The following UNC5B variants were observed in gnomAD, a reference collection of about 807,000 sequenced individuals.
UNC5B encodes unc-5 netrin receptor B, also known as netrin receptor UNC5B.
A neutral mutation model predicts 103.7 loss-of-function variants in UNC5B; 56 were observed. The ratio of observed to expected loss-of-function variants is 0.54; its 90% confidence interval spans 0.44 to 0.67. The LOEUF is 0.67. Among genes scored for constraint, UNC5B ranks in the 30% least tolerant of loss-of-function variants. UNC5B has a pLI of 0.00. For synonymous variants in UNC5B, 577 were observed against 542.0 expected (o/e 1.06, Z -0.90); for missense variants, 1,194 against 1,284.5 (o/e 0.93, Z 1.08).
rs772040885 is a variant in UNC5B at position 71,297,959 on chromosome 10, C to T, written c.2541C>T (p.Val847=). The T allele has an allele frequency of 6.2e-6, 10 of 1,613,984 alleles. No individual in the cohort carries two copies. The highest frequency in any genetic ancestry group is 8.5e-6 in the Non-Finnish European group (10 of 1,179,970). The change falls in exon 16 of 17, where the codon GTC becomes GTT. Residue 847 remains valine, a synonymous_variant. Coordinates refer to ENST00000335350, the MANE Select transcript of UNC5B (RefSeq NM_170744.5). The part of the protein sequence containing the change: ...DTLCSAPGST[V]TTQLGPYAFK... The stretch of plus-strand genomic sequence containing the variant: ...TCTGCTCTGCCCCTGGCAGCACTGT[C>T]ACCACCCAGCTGGGACCTTATGCCT...
intron 1 of UNC5B, among the ~76,000 whole-genome samples, chr10:71,276,191 A>G (rs1045784153): frequency 6.6e-6 from 1 of 151,882 alleles, no homozygotes; most frequent in Admixed American, 6.6e-5. Context: ...AAAAAAAATT[A>G]CTGAGGCACT....
In UNC5B at chr10:71,239,701, GGCACACACCCCTGCTGGATGGGTGGGA is replaced by G. The variant is rs534930437; in HGVS notation, c.79+26640_79+26666del. On this transcript the variant is annotated intron_variant, in intron 1 of 16. Coordinates refer to ENST00000335350, the MANE Select transcript of UNC5B (RefSeq NM_170744.5). ...AGGGCATCCACGGGGGCGGGCAGTGGGCACACACCCCTGCTGGATGGGTGGGAGCCCCAGAGATTATAAGCAGAGCAT... is the reference window on the plus strand; with the variant it reads ...AGGGCATCCACGGGGGCGGGCAGTGGGCCCCAGAGATTATAAGCAGAGCAT... Among the ~76,000 whole-genome samples, 104 of 152,234 alleles carry G rather than the reference GGCACACACCCCTGCTGGATGGGTGGGA, an allele frequency of 6.8e-4. 1 individual carries two copies. Among genetic ancestry groups the G allele is most frequent in the African/African-American group, 2.4e-3 (98 of 41,532 alleles).
At chr10:71,215,806 GGTGTGTGTGTGTGTGTGTGTGTGT>G (rs55848098) in intron 1 of UNC5B, among the ~76,000 whole-genome samples, 1 of 149,540 alleles carries the variant, frequency 6.7e-6, no homozygotes, top group African/African-American at 2.5e-5. Flanking sequence ...GTCTCTGCTT[GGTGTGTGTGTGTGTGTGTGTGTGT>G]GTGTGTGTGT....
intron 1 of UNC5B, among the ~76,000 whole-genome samples, chr10:71,239,322 C>A (rs1233562887): frequency 6.6e-6 from 1 of 152,134 alleles, no homozygotes; most frequent in African/African-American, 2.4e-5. Context: ...GACGCCCCAC[C>A]CCCAGGAGAA....
At chr10:71,243,007 C>T (rs1394384415) in intron 1 of UNC5B, among the ~76,000 whole-genome samples, 4 of 152,050 alleles carry the variant, frequency 2.6e-5, no homozygotes, top group African/African-American at 4.8e-5. Context: ...CTGAAGCGGG[C>T]GGATCACCTG....
At chr10:71,215,847 G>A (rs778212713) in intron 1 of UNC5B, among the ~76,000 whole-genome samples, 1 of 151,596 alleles carries the variant, frequency 6.6e-6, no homozygotes, top group Non-Finnish European at 1.5e-5. Context: ...GTGTGTGCTC[G>A]CGTGCATGCG....
At chr10:71,218,976 T>A (rs955542999) in intron 1 of UNC5B, among the ~76,000 whole-genome samples, 1 of 152,130 alleles carries the variant, frequency 6.6e-6, no homozygotes, top group Non-Finnish European at 1.5e-5. Context: ...TCGTTACAAC[T>A]TTCTTGGTCA....
intron 1 of UNC5B, among the ~76,000 whole-genome samples, chr10:71,231,738 A>C (rs1843688394): frequency 6.6e-6 from 1 of 152,116 alleles, no homozygotes; most frequent in Non-Finnish European, 1.5e-5. Context: ...GAATTTTGAC[A>C]AAACACCCCA....
In UNC5B at chr10:71,296,649, C is replaced by A. The variant is rs761454103; in HGVS notation, c.2397C>A (p.His799Gln). 10 of 1,613,968 alleles carry A rather than the reference C, an allele frequency of 6.2e-6. No individual in the cohort carries two copies. Among genetic ancestry groups the A allele is most frequent in the South Asian group, 4.4e-5 (4 of 91,090 alleles). Residue 799 changes from histidine to glutamine, a missense_variant, in exon 15 of 17, where the codon CAC becomes CAA. His to Gln is a conservative substitution (Grantham distance 24). Coordinates refer to ENST00000335350, the MANE Select transcript of UNC5B (RefSeq NM_170744.5). Reference protein sequence around the residue: ...ALHCTFTLERHSLASTELTCK... With the variant: ...ALHCTFTLERQSLASTELTCK... ...ACTGCACTTTCACCCTGGAGAGGCA[C>A]AGCTTGGCCTCCACAGAGCTCACCT...
At chr10:71,239,221 G>T (rs1175000933) in intron 1 of UNC5B, among the ~76,000 whole-genome samples, 1 of 152,158 alleles carries the variant, frequency 6.6e-6, no homozygotes, top group Non-Finnish European at 1.5e-5. Flanking sequence ...GGGCTTACTT[G>T]CGTTGGGATG....
chr10:71,299,456 CTGT>C lies in UNC5B; in HGVS notation c.*184_*186del, dbSNP rs1176028094. ...ACCAGCCTTAGAAAATCCATGTACT[CTGT>C]TGTTAGAGGGCCCAGAGTTCCTTCT... On this transcript the variant is annotated 3_prime_UTR_variant, in exon 17 of 17. Transcript: ENST00000335350. 1.4e-6 allele frequency: 1 copy of C among 717,026 alleles called. No homozygotes were observed. The highest frequency in any genetic ancestry group is 2.2e-6 in the Non-Finnish European group (1 of 445,528). The allele number at this position is 717,026 out of a possible 1,614,324, so 44.4% of individuals were successfully genotyped here.
At chr10:71,224,342 G>A (rs565905962) in intron 1 of UNC5B, among the ~76,000 whole-genome samples, 9 of 126,000 alleles carry the variant, frequency 7.1e-5, no homozygotes, top group Admixed American at 1.8e-4. Context: ...TTTCCTCCTG[G>A]TCCATCCCAC....
chr10:71,259,561 C>A (rs573247308), intron 1 of UNC5B, among the ~76,000 whole-genome samples: 144 of 152,332 alleles, frequency 9.5e-4, no homozygotes, highest in African/African-American at 3.4e-3. Flanking sequence ...GTCACACAGC[C>A]AGTTAGACTG....
chr10:71,218,618 A>G (rs73276331), intron 1 of UNC5B, among the ~76,000 whole-genome samples: 7,776 of 152,288 alleles, frequency 0.051, 689 homozygotes, highest in African/African-American at 0.18. Context: ...GAAGGTTGGC[A>G]GAGATGGACC....
chr10:71,222,410 T>C (rs1028870905), intron 1 of UNC5B, among the ~76,000 whole-genome samples: 5 of 152,196 alleles, frequency 3.3e-5, no homozygotes, highest in Non-Finnish European at 7.3e-5. Flanking sequence ...ATAGGCATGA[T>C]TCCACCACCT....
intron 11 of UNC5B, among the ~76,000 whole-genome samples, chr10:71,292,968 G>A (rs1564513792): frequency 2.0e-5 from 3 of 152,168 alleles, no homozygotes; most frequent in Non-Finnish European, 4.4e-5. Context: ...GGTATACTGG[G>A]ATTTTTAAAT....
intron 1 of UNC5B, among the ~76,000 whole-genome samples, chr10:71,271,854 G>A (rs1317008723): frequency 6.6e-6 from 1 of 152,178 alleles, no homozygotes; most frequent in Admixed American, 6.5e-5. Flanking sequence ...GGCACAGATG[G>A]GTGCAGAGGG....
At chr10:71,289,108 C>G (rs1305944665) in intron 8 of UNC5B, 118 bp downstream of exon 8, 29 of 1,361,088 alleles carry the variant, frequency 2.1e-5, no homozygotes, top group Admixed American at 3.8e-5. Context: ...ACCCACCCCC[C>G]ACGGGATCAT....
intron 1 of UNC5B, among the ~76,000 whole-genome samples, chr10:71,230,906 G>A (rs573201858): frequency 2.0e-5 from 3 of 152,354 alleles, no homozygotes; most frequent in African/African-American, 7.2e-5. Context: ...TTTATATGGA[G>A]AGCAGCCAGG....
Sources: allele counts gnomAD v4.1 joint callset (sites outside exome capture counted in the v4.1 genomes callset), GRCh38; gene constraint gnomAD v4.1.1; transcripts MANE v1.5; gene names NCBI Gene and HGNC (gene_info 2026-07-23, HGNC 2026-07-21).